SEMA7A: variants seen among roughly 807,000 people sequenced by gnomAD.
The protein encoded by SEMA7A is semaphorin-7A.
SEMA7A carries 21 observed loss-of-function variants against 67.5 expected under a neutral mutation model. That is an observed-to-expected ratio of 0.31 (90% CI 0.22 to 0.45). The LOEUF (loss-of-function observed/expected upper bound fraction) is 0.45. SEMA7A is among the 20% of genes least tolerant of loss of function. The probability of loss-of-function intolerance (pLI) is 1.00; values close to 1 mark genes in which losing one functional copy is unlikely to be tolerated. For missense variants in SEMA7A, 774 were observed against 908.6 expected, an observed-to-expected ratio of 0.85 and a Z score of 1.90; for synonymous variants, 364 against 368.5, an observed-to-expected ratio of 0.99 and a Z score of 0.14.
chr15:74,415,728 G>T, intron 8 of SEMA7A, 73 bp downstream of exon 8: 1 of 1,442,440 alleles, frequency 6.9e-7, no homozygotes, highest in Non-Finnish European at 9.3e-7. Flanking sequence ...GCCCTCAGCA[G>T]GGCCCAAGGC....
At chr15:74,431,755 G>A (rs968056038) in intron 1 of SEMA7A, among the ~76,000 whole-genome samples, 3 of 152,248 alleles carry the variant, frequency 2.0e-5, no homozygotes, top group African/African-American at 7.2e-5. Context: ...CCAGCTGGTG[G>A]CCCTGGGGGT....
intron 10 of SEMA7A, among the ~76,000 whole-genome samples, chr15:74,412,820 G>A (rs1031731517): frequency 2.0e-5 from 3 of 151,830 alleles, no homozygotes; most frequent in Non-Finnish European, 4.4e-5. Context: ...TTTGATCTTA[G>A]GGGATATCTT....
At chr15:74,427,692 AG>A (rs1350669673) in intron 1 of SEMA7A, among the ~76,000 whole-genome samples, 2 of 152,032 alleles carry the variant, frequency 1.3e-5, no homozygotes, top group African/African-American at 2.4e-5. Flanking sequence ...CCCTAGCTCT[AG>A]CCTGGCTCCT....
chr15:74,433,885 T>C lies in SEMA7A; in HGVS notation c.34A>G (p.Ser12Gly). 7.9e-7 allele frequency: 1 copy of C among 1,269,196 alleles called. No homozygotes were observed. The highest frequency in any genetic ancestry group is 9.9e-7 in the Non-Finnish European group (1 of 1,012,818). 78.6% of individuals were successfully genotyped at this position (1,269,196 alleles called of 1,614,324 possible). ...TPPPPGRAAP[S>G]APRARVPGPP... ...CCAGGGACGCGGGCGCGCGGTGCGC[T>C]GGGGGCGGCACGTCCGGGCGGAGGA... Residue 12 changes from serine (S) to glycine (G), a missense_variant, in exon 1 of 14, where the codon AGC (serine) becomes GGC (glycine). Ser to Gly is a moderately conservative substitution (Grantham distance 56). Coordinates refer to ENST00000261918, the MANE Select transcript of SEMA7A (RefSeq NM_003612.5).
rs759994561 is a variant in SEMA7A at position 74,411,744 on chromosome 15, C to A, written c.1423-34G>T. The stretch of plus-strand genomic sequence containing the variant: ...ACAGCAGGATTGGGTCAGGCCCGGG[C>A]CCCACCCCACACTCAGTCCTAAATG... On this transcript the variant is annotated intron_variant, in intron 11 of 13. Coordinates refer to ENST00000261918, the MANE Select transcript of SEMA7A (RefSeq NM_003612.5). This position sits in a 1 kb window ranked among gnomAD's most constrained non-coding sequence, Gnocchi z 4.4. The A allele has an allele frequency of 3.1e-6, 5 of 1,608,692 alleles. No homozygotes were observed. The African/African-American group carries it at 5.3e-5, about 17-fold the overall frequency.
intron 6 of SEMA7A, 104 bp from the exon 7 acceptor site, chr15:74,416,818 G>C (rs2060953056): frequency 7.7e-7 from 1 of 1,301,524 alleles, no homozygotes; most frequent in African/African-American, 1.5e-5. Flanking sequence ...CACAAACCAT[G>C]GCAAATCAGA....
Position 74,410,581 on chromosome 15 carries a change from C to T in SEMA7A, c.*43G>A. On this transcript the variant is annotated 3_prime_UTR_variant, in exon 14 of 14. Coordinates refer to ENST00000261918, the MANE Select transcript of SEMA7A (RefSeq NM_003612.5). This position sits in a 1 kb window ranked among gnomAD's most constrained non-coding sequence, Gnocchi z 7.5. ...CTCTGAGTGTGAGACGTTCTAGTGC[C>T]CTGGGCTGCAGAAGCCTGAGGCATG... 1 of 1,541,076 alleles carries T rather than the reference C, an allele frequency of 6.5e-7. No homozygotes were observed. Among genetic ancestry groups the T allele is most frequent in the Non-Finnish European group, 8.7e-7 (1 of 1,143,192 alleles).
chr15:74,411,472 AC>A lies in SEMA7A; in HGVS notation c.1577+83del, dbSNP rs757280893. Reference sequence around the variant, plus strand: ...GAGGGTCCCACAAGAAAGGCCCAGTACCGCCACCTCCTCCAGCCCGACAACA... The same window carrying A: ...GAGGGTCCCACAAGAAAGGCCCAGTACGCCACCTCCTCCAGCCCGACAACA... On this transcript the variant is annotated intron_variant, in intron 12 of 13. Coordinates refer to ENST00000261918, the MANE Select transcript of SEMA7A (RefSeq NM_003612.5). The surrounding 1 kb of genome is among the most constrained non-coding windows in gnomAD (Gnocchi z 4.4). 1 of 1,544,780 alleles carries A rather than the reference AC, an allele frequency of 6.5e-7. No individual in the cohort carries two copies. The highest frequency in any genetic ancestry group is 1.9e-5 in the Admixed American group (1 of 52,252).
intron 1 of SEMA7A, among the ~76,000 whole-genome samples, chr15:74,420,067 A>G (rs2060986933): frequency 6.6e-6 from 1 of 151,842 alleles, no homozygotes; most frequent in African/African-American, 2.4e-5. Flanking sequence ...GCTGCAGGAA[A>G]CTCTGGGGCA....
chr15:74,418,569 G>T (rs185655884), intron 2 of SEMA7A, among the ~76,000 whole-genome samples: 4 of 152,202 alleles, frequency 2.6e-5, no homozygotes, highest in African/African-American at 9.6e-5. Context: ...CCGCAGCAGC[G>T]CTGCCCAGCT....
In SEMA7A at chr15:74,409,956, T is replaced by G. The variant is rs974784194; in HGVS notation, c.*668A>C. ...TCCCTTTCCCACCCACCCCCCCGCA[T>G]GTAGTTTTGGTATTTTCATACAGAT... On this transcript the variant is annotated 3_prime_UTR_variant, in exon 14 of 14. Transcript: ENST00000261918. 1.5e-4 allele frequency: 1 copy of G among 6,510 alleles called. No homozygotes were observed. The highest frequency in any genetic ancestry group is 3.0e-4 in the Non-Finnish European group (1 of 3,376). 0.4% of individuals were successfully genotyped at this position (6,510 alleles called of 1,614,324 possible).
intron 1 of SEMA7A, among the ~76,000 whole-genome samples, chr15:74,424,831 G>C (rs960073238): frequency 4.6e-5 from 7 of 152,208 alleles, no homozygotes; most frequent in African/African-American, 1.7e-4. Flanking sequence ...CCTTCCAGCT[G>C]TTCTCCAGCC....
chr15:74,412,673 G>A (rs556419809), intron 10 of SEMA7A, among the ~76,000 whole-genome samples: 7 of 151,964 alleles, frequency 4.6e-5, no homozygotes, highest in South Asian at 4.2e-4. Flanking sequence ...ACATAACCAC[G>A]GTATATTTGT....
intron 1 of SEMA7A, among the ~76,000 whole-genome samples, chr15:74,431,870 C>A (rs1330347725): frequency 1.3e-5 from 2 of 152,278 alleles, no homozygotes; most frequent in South Asian, 2.1e-4. Context: ...GGTTGGCAGA[C>A]CCCAGCCAGC....
At chr15:74,428,503 C>T (rs1471441634) in intron 1 of SEMA7A, among the ~76,000 whole-genome samples, 7 of 152,218 alleles carry the variant, frequency 4.6e-5, no homozygotes, top group South Asian at 2.1e-4. Context: ...ATCCTAAGCT[C>T]GCGCTGTCAG....
chr15:74,428,745 G>C (rs1263725332), intron 1 of SEMA7A, among the ~76,000 whole-genome samples: 2 of 152,350 alleles, frequency 1.3e-5, no homozygotes, highest in East Asian at 3.9e-4. Flanking sequence ...ATGGGGTGCA[G>C]CATAGGGACA....
chr15:74,422,468 G>A (rs2141284409), intron 1 of SEMA7A, among the ~76,000 whole-genome samples: 1 of 152,224 alleles, frequency 6.6e-6, no homozygotes, highest in Middle Eastern at 3.4e-3. Flanking sequence ...CCCACCTCCC[G>A]CCCCATGTGA....
At chr15:74,426,367 C>G (rs1275195220) in intron 1 of SEMA7A, among the ~76,000 whole-genome samples, 2 of 152,208 alleles carry the variant, frequency 1.3e-5, no homozygotes, top group Non-Finnish European at 1.5e-5. Flanking sequence ...TAGATCCCCC[C>G]ACCCTGCACA....
chr15:74,417,728 C>A, intron 4 of SEMA7A, 53 bp from the exon 5 acceptor site: 1 of 1,559,456 alleles, frequency 6.4e-7, no homozygotes, highest in Non-Finnish European at 8.8e-7. Flanking sequence ...GCCACTGCCT[C>A]CCATGACGGC....
Sources: allele counts gnomAD v4.1 joint callset (sites outside exome capture counted in the v4.1 genomes callset), GRCh38; gene constraint gnomAD v4.1.1; non-coding constraint Gnocchi (gnomAD v3.1); transcripts MANE v1.5; gene names NCBI Gene and HGNC (gene_info 2026-07-23, HGNC 2026-07-21).